The following ORC1 variants were observed in gnomAD, a reference collection of about 807,000 sequenced individuals.
The protein encoded by ORC1 is origin recognition complex subunit 1.
In ORC1, 61 loss-of-function variants were observed where a neutral mutation model predicts 98.9. That is an observed-to-expected ratio of 0.62 (90% CI 0.50 to 0.76). The LOEUF is 0.76. ORC1 is among the 30% of genes least tolerant of loss of function. The pLI, the probability that ORC1 is intolerant of heterozygous loss-of-function variation, is 0.00. For synonymous variants in ORC1, 385 were observed against 406.9 expected (o/e 0.95, Z 0.65); for missense variants, 979 against 1,072.2 (o/e 0.91, Z 1.21).
intron 14 of ORC1, among the ~76,000 whole-genome samples, chr1:52,381,240 T>C (rs1015609685): frequency 1.3e-5 from 2 of 152,194 alleles, no homozygotes; most frequent in African/African-American, 4.8e-5. Context: ...ATTTTCACAA[T>C]GACCCTATGA....
chr1:52,386,476 A>G (rs1439848904), intron 8 of ORC1, among the ~76,000 whole-genome samples: 1 of 152,182 alleles, frequency 6.6e-6, no homozygotes, highest in Non-Finnish European at 1.5e-5. Flanking sequence ...GTAGTCTAAC[A>G]GCCCTCTATC....
At chr1:52,383,970 G>T (rs375991771) in intron 11 of ORC1, 33 bp from the exon 12 acceptor site, 1 of 1,565,254 alleles carries the variant, frequency 6.4e-7, no homozygotes, top group Non-Finnish European at 8.8e-7. Flanking sequence ...GTGAGGAACT[G>T]TAAGGGTCTT....
At chr1:52,408,590 A>G (rs1360219115), upstream of ORC1, 1 of 1,614,202 alleles carries the variant, frequency 6.2e-7, no homozygotes, top group Admixed American at 1.7e-5. Flanking sequence ...TGCTGGGGGC[A>G]CTTTACATGA....
At chr1:52,377,033 T>C (rs1394644640) in intron 14 of ORC1, among the ~76,000 whole-genome samples, 1 of 152,164 alleles carries the variant, frequency 6.6e-6, no homozygotes, top group East Asian at 1.9e-4. Context: ...TTTATTTATT[T>C]ATTTTTGAGA....
chr1:52,404,563 C>A (rs762942532), upstream of ORC1: 187 of 557,628 alleles, frequency 3.4e-4, no homozygotes, highest in Middle Eastern at 4.9e-4. Flanking sequence ...CAGCCGCCAT[C>A]ATTGATTCGA....
chr1:52,375,745 A>G (rs1646988039), intron 14 of ORC1, 146 bp from the exon 15 acceptor site: 2 of 753,260 alleles, frequency 2.7e-6, no homozygotes, highest in Non-Finnish European at 4.6e-6. Context: ...ATGAATTATT[A>G]CATTGTGCAT....
At chr1:52,402,052 G>A in intron 2 of ORC1, 77 bp downstream of exon 2, 4 of 1,032,234 alleles carry the variant, frequency 3.9e-6, no homozygotes, top group Non-Finnish European at 6.1e-6. Flanking sequence ...GTAGTAATTA[G>A]AACAGGCTAG....
At chr1:52,403,426 C>T (rs781004778) in intron 1 of ORC1, among the ~76,000 whole-genome samples, 1 of 152,216 alleles carries the variant, frequency 6.6e-6, no homozygotes, top group Non-Finnish European at 1.5e-5. Flanking sequence ...TCACAAACCT[C>T]CTAAAGTCCA....
chr1:52,383,227 T>G (rs1474986187), intron 13 of ORC1, among the ~76,000 whole-genome samples, 193 bp downstream of exon 13: 1 of 151,962 alleles, frequency 6.6e-6, no homozygotes, highest in East Asian at 2.0e-4. Context: ...TTTTGTATTT[T>G]TAGTAGAGAC....
intron 14 of ORC1, among the ~76,000 whole-genome samples, chr1:52,378,129 G>A (rs1038886457): frequency 2.6e-5 from 4 of 151,876 alleles, no homozygotes; most frequent in African/African-American, 7.3e-5. Context: ...GGCAGATCAC[G>A]AGGTCAGGAG....
At chr1:52,386,658 T>TA (rs1282568898) in intron 8 of ORC1, among the ~76,000 whole-genome samples, 1 of 152,166 alleles carries the variant, frequency 6.6e-6, no homozygotes, top group Admixed American at 6.5e-5. Context: ...AGAAAGCACT[T>TA]AAACTGTTTA....
chr1:52,397,817 G>A lies in ORC1; in HGVS notation c.270C>T (p.Val90=). ...PKKRARVQWF[V]RFCEVPACKR... is the part of the protein sequence containing the mutation. ...TACAGGCAGGGACTTCACAGAATCGGACAAACCACTGTACTCGAGCACGTT... is the reference window on the plus strand; with the variant it reads ...TACAGGCAGGGACTTCACAGAATCGAACAAACCACTGTACTCGAGCACGTT... The change falls in exon 4 of 17, where the codon GTC becomes GTT. Residue 90 remains valine, a synonymous_variant. Transcript: ENST00000371568. The A allele has an allele frequency of 1.2e-6, 2 of 1,614,216 alleles. No individual in the cohort carries two copies. Among genetic ancestry groups the A allele is most frequent in the Non-Finnish European group, 1.7e-6 (2 of 1,180,050 alleles).
intron 14 of ORC1, among the ~76,000 whole-genome samples, chr1:52,380,513 T>C (rs1201130817): frequency 6.6e-6 from 1 of 152,082 alleles, no homozygotes; most frequent in Admixed American, 6.5e-5. Flanking sequence ...CTGGCCAACA[T>C]GGCAAAACCC....
rs201244952 is a variant in ORC1, at chr1:52,401,396, C to T, written c.189G>A (p.Pro63=). ...VLIEGDDDEN[P]YVAKLLELFE... is the part of the protein sequence containing the mutation. ...ACAACTCAAGCAATTTAGCAACATA[C>T]GGGTTTTCATCATCATCCCCTTCAA... is the stretch of plus-strand genomic sequence containing the variant. The change falls in exon 3 of 17, where the codon CCG becomes CCA. Residue 63 remains proline (P), a synonymous_variant. Coordinates refer to ENST00000371568, the MANE Select transcript of ORC1 (RefSeq NM_004153.4). 1.8e-5 allele frequency: 29 copies of T among 1,613,864 alleles called. No individual in the cohort carries two copies. The highest frequency in any genetic ancestry group is 9.9e-5 in the South Asian group (9 of 91,086).
At chr1:52,388,354 G>A in intron 8 of ORC1, 88 bp downstream of exon 8, 1 of 1,047,228 alleles carries the variant, frequency 9.5e-7, no homozygotes, top group Non-Finnish European at 1.5e-6. Flanking sequence ...TCAGATTCCA[G>A]CTGTTACTAA....
At chr1:52,405,137 C>G (rs1401688128), upstream of ORC1, among the ~76,000 whole-genome samples, 1 of 152,214 alleles carries the variant, frequency 6.6e-6, no homozygotes, top group African/African-American at 2.4e-5. Context: ...TGATAGCAGG[C>G]TGGGTTGCAA....
upstream of ORC1, chr1:52,408,155 G>T: frequency 3.1e-6 from 1 of 326,724 alleles, no homozygotes; most frequent in South Asian, 2.5e-5. Flanking sequence ...CATGAGAATT[G>T]CTTGATCCCA....
intron 9 of ORC1, 144 bp from the exon 10 acceptor site, chr1:52,385,406 A>G (rs1035318547): frequency 8.2e-6 from 6 of 733,988 alleles, no homozygotes; most frequent in Non-Finnish European, 1.5e-5. Flanking sequence ...GAATCCCTTC[A>G]TTCTCAAATC....
intron 3 of ORC1, among the ~76,000 whole-genome samples, chr1:52,400,148 GA>G (rs1647634247): frequency 6.6e-6 from 1 of 152,156 alleles, no homozygotes; most frequent in Non-Finnish European, 1.5e-5. Context: ...ATGTCAAAGA[GA>G]AAGTATGTCC....
Sources: gnomAD v4.1 joint callset for allele counts (sites outside exome capture counted in the v4.1 genomes callset) on GRCh38, gnomAD v4.1.1 for gene constraint, MANE v1.5 for transcripts, NCBI Gene and HGNC (gene_info 2026-07-23, HGNC 2026-07-21) for gene names.